Variants in PARD3B observed in about 807,000 individuals in gnomAD.
PARD3B encodes the protein partitioning defective 3 homolog B.
In PARD3B, 103 loss-of-function variants were observed where a neutral mutation model predicts 130.2. The ratio of observed to expected loss-of-function variants is 0.79; its 90% CI spans 0.67 to 0.93. PARD3B has a LOEUF of 0.93. Among genes scored for constraint, PARD3B ranks in the 40% least tolerant of loss-of-function variants. The pLI is 0.00. For synonymous variants in PARD3B, 583 were observed against 553.2 expected (o/e 1.05, Z -0.76); for missense variants, 1,609 against 1,499.2 (o/e 1.07, Z -1.21).
intron 15 of PARD3B, among the ~76,000 whole-genome samples, chr2:205,232,015 T>C (rs550409748): frequency 6.6e-6 from 1 of 152,256 alleles, no homozygotes; most frequent in East Asian, 1.9e-4. Flanking sequence ...TTGGATAAGG[T>C]ATGCAAGAGG....
chr2:205,103,189 TTTTATATTTATGTAAAC>T (rs1559439426), intron 4 of PARD3B, among the ~76,000 whole-genome samples: 1 of 146,244 alleles, frequency 6.8e-6, no homozygotes, highest in African/African-American at 2.5e-5. Flanking sequence ...AAAGTAAACA[TTTTATATTTATGTAAAC>T]ATTTTATATT....
At chr2:205,120,644 C>A (rs2030583545) in intron 7 of PARD3B, among the ~76,000 whole-genome samples, 1 of 152,208 alleles carries the variant, frequency 6.6e-6, no homozygotes, top group Non-Finnish European at 1.5e-5. Context: ...GGTCAGGCAG[C>A]TTCCGTTTTC....
intron 3 of PARD3B, among the ~76,000 whole-genome samples, chr2:205,038,339 T>G (rs1698158680): frequency 1.3e-5 from 2 of 152,084 alleles, no homozygotes; most frequent in Non-Finnish European, 1.5e-5. Context: ...TTTTTTAGAG[T>G]GTATGCCTTT....
intron 13 of PARD3B, among the ~76,000 whole-genome samples, chr2:205,179,598 T>C (rs1263724233): frequency 6.6e-6 from 1 of 152,220 alleles, no homozygotes; most frequent in East Asian, 1.9e-4. Flanking sequence ...CTAGGAGCAA[T>C]AGGCTATACC....
chr2:205,500,666 A>G (rs376776771), intron 21 of PARD3B, among the ~76,000 whole-genome samples: 25 of 152,212 alleles, frequency 1.6e-4, no homozygotes, highest in East Asian at 9.6e-4. Context: ...TACAAGATGT[A>G]CTTAACTCTT....
chr2:205,427,507 A>G (rs904697497), intron 19 of PARD3B, among the ~76,000 whole-genome samples: 9 of 152,200 alleles, frequency 5.9e-5, no homozygotes, highest in African/African-American at 2.2e-4. Context: ...TCTTCTGTCT[A>G]TTACTATGTA....
At chr2:204,686,831 C>T (rs754402713) in intron 2 of PARD3B, among the ~76,000 whole-genome samples, 10 of 152,076 alleles carry the variant, frequency 6.6e-5, no homozygotes, top group Admixed American at 1.3e-4. Context: ...GGAATAATCT[C>T]GTTGCAAATA....
chr2:205,377,259 GT>G (rs2045095753), intron 18 of PARD3B, among the ~76,000 whole-genome samples: 1 of 152,096 alleles, frequency 6.6e-6, no homozygotes, highest in Non-Finnish European at 1.5e-5. Flanking sequence ...AAACATCAGT[GT>G]TTCTCGTCTT....
At chr2:204,911,244 A>G (rs1575282391) in intron 2 of PARD3B, among the ~76,000 whole-genome samples, 1 of 152,212 alleles carries the variant, frequency 6.6e-6, no homozygotes, top group African/African-American at 2.4e-5. Context: ...TAGAGCAGGG[A>G]GAGCAAGTTG....
chr2:204,722,202 A>C (rs1298786488), intron 2 of PARD3B, among the ~76,000 whole-genome samples: 1 of 152,192 alleles, frequency 6.6e-6, no homozygotes, highest in Non-Finnish European at 1.5e-5. Flanking sequence ...TCTATTGACA[A>C]ATAATTGGAT....
intron 19 of PARD3B, among the ~76,000 whole-genome samples, chr2:205,414,501 ATTCT>A (rs1004829770): frequency 6.6e-5 from 10 of 152,182 alleles, no homozygotes; most frequent in Non-Finnish European, 1.0e-4. Context: ...CTTGCCAAAC[ATTCT>A]TGCTTATTTT....
chr2:204,593,055 A>G (rs1027628951), intron 1 of PARD3B, among the ~76,000 whole-genome samples: 6 of 152,130 alleles, frequency 3.9e-5, no homozygotes, highest in Non-Finnish European at 5.9e-5. Context: ...TGTTTCCACT[A>G]TATTTATACT....
chr2:204,837,363 A>C (rs1205369583), intron 2 of PARD3B, among the ~76,000 whole-genome samples: 1 of 152,108 alleles, frequency 6.6e-6, no homozygotes, highest in Non-Finnish European at 1.5e-5. Context: ...TATTTCATTG[A>C]CATAAAGGAT....
At chr2:204,796,633 G>A (rs2042385059) in intron 2 of PARD3B, among the ~76,000 whole-genome samples, 1 of 152,184 alleles carries the variant, frequency 6.6e-6, no homozygotes, top group African/African-American at 2.4e-5. Flanking sequence ...CATCACCAGA[G>A]AAGGAGCACC....
intron 1 of PARD3B, among the ~76,000 whole-genome samples, chr2:204,587,530 A>G (rs1308704458): frequency 1.3e-5 from 2 of 152,368 alleles, no homozygotes; most frequent in East Asian, 3.9e-4. Flanking sequence ...TACAAGAAGT[A>G]GGTTTTTATA....
Position 204,675,362 on chromosome 2 carries a change from A to G in PARD3B, c.121-10819A>G, listed in dbSNP as rs1456182223. Among the ~76,000 whole-genome samples, 2 of 151,902 alleles carry G rather than the reference A, an allele frequency of 1.3e-5. No individual in the cohort carries two copies. The highest frequency in any genetic ancestry group is 1.9e-4 in the East Asian group (1 of 5,184). ...TTTAATTTCAGACTTTTAACGTTTA[A>G]TTTTCCTGATATAACTTCAGTTTTG... On this transcript the variant is annotated intron_variant, in intron 1 of 22. Transcript: ENST00000406610. The surrounding 1 kb of genome is among the most constrained non-coding windows in gnomAD (Gnocchi z 4.4).
At chr2:204,791,426 G>A (rs1385704546) in intron 2 of PARD3B, among the ~76,000 whole-genome samples, 1 of 152,152 alleles carries the variant, frequency 6.6e-6, no homozygotes, top group East Asian at 1.9e-4. Context: ...TAATCCTGGT[G>A]CAGTAGTAAG....
At chr2:205,104,022 CT>C (rs1703016673) in intron 4 of PARD3B, among the ~76,000 whole-genome samples, 6 of 152,030 alleles carry the variant, frequency 3.9e-5, no homozygotes, top group Admixed American at 3.9e-4. Flanking sequence ...TTTTGCTTTT[CT>C]TTATATTTTA....
chr2:204,917,363 TG>T (rs1413524047), intron 2 of PARD3B, among the ~76,000 whole-genome samples: 28 of 152,154 alleles, frequency 1.8e-4, no homozygotes, highest in African/African-American at 6.3e-4. Flanking sequence ...TAGATGTAAT[TG>T]AGGGAAAACA....
Sources: allele counts gnomAD v4.1 joint callset (sites outside exome capture counted in the v4.1 genomes callset), GRCh38; gene constraint gnomAD v4.1.1; non-coding constraint Gnocchi (gnomAD v3.1); transcripts MANE v1.5; gene names NCBI Gene and HGNC (gene_info 2026-07-23, HGNC 2026-07-21).